The following DACH1 variants were observed in gnomAD, a reference collection of about 807,000 sequenced individuals.
The protein encoded by DACH1 is dachshund family transcription factor 1.
DACH1 carries 12 observed loss-of-function variants against 54.2 expected under a neutral mutation model. The ratio of observed to expected loss-of-function variants is 0.22; its 90% CI spans 0.14 to 0.36. The LOEUF (loss-of-function observed/expected upper bound fraction) is 0.36. Ranked by LOEUF, DACH1 falls within the 10% of genes least tolerant of loss-of-function variation. The probability of loss-of-function intolerance (pLI) is 1.00; values close to 1 mark genes in which losing one functional copy is unlikely to be tolerated. For synonymous variants in DACH1, 386 were observed against 366.2 expected (o/e 1.05, Z -0.62); for missense variants, 805 against 929.8 (o/e 0.87, Z 1.75).
intron 1 of DACH1, among the ~76,000 whole-genome samples, chr13:71,719,337 AG>A (rs1869957203): frequency 6.6e-6 from 1 of 152,172 alleles, no homozygotes; most frequent in Non-Finnish European, 1.5e-5. Flanking sequence ...TTTCTGCTCA[AG>A]GAACAACATA....
chr13:71,481,122 C>T (rs1877996041), intron 7 of DACH1, among the ~76,000 whole-genome samples: 1 of 152,196 alleles, frequency 6.6e-6, no homozygotes, highest in South Asian at 2.1e-4. Flanking sequence ...AAAACTTTAG[C>T]TGTATTTTAA....
chr13:71,707,392 T>C (rs889606712), intron 1 of DACH1, among the ~76,000 whole-genome samples: 3 of 152,192 alleles, frequency 2.0e-5, no homozygotes, highest in Non-Finnish European at 4.4e-5. Flanking sequence ...TATTTTGCAC[T>C]GGGCTTGTCC....
intron 1 of DACH1, among the ~76,000 whole-genome samples, chr13:71,852,491 C>T (rs1274532953): frequency 6.6e-6 from 1 of 151,884 alleles, no homozygotes; most frequent in Non-Finnish European, 1.5e-5. Context: ...TTAGAAAATA[C>T]TGTCCTGGTA....
At chr13:71,752,881 A>G (rs776345340) in intron 1 of DACH1, among the ~76,000 whole-genome samples, 3 of 152,294 alleles carry the variant, frequency 2.0e-5, no homozygotes, top group Admixed American at 1.3e-4. Context: ...CCACCGTCAG[A>G]TAAAAGCATA....
At chr13:71,509,781 C>T (rs1460763616) in intron 6 of DACH1, among the ~76,000 whole-genome samples, 1 of 152,066 alleles carries the variant, frequency 6.6e-6, no homozygotes, top group Non-Finnish European at 1.5e-5. Flanking sequence ...TATAGCCAGG[C>T]TATATTATAT....
intron 6 of DACH1, among the ~76,000 whole-genome samples, chr13:71,528,593 A>AATG (rs1181226588): frequency 6.6e-6 from 1 of 151,696 alleles, no homozygotes; most frequent in African/African-American, 2.4e-5. Flanking sequence ...ACGCCCGGCT[A>AATG]ATGTTTCTTT....
chr13:71,798,926 G>A (rs568284488), intron 1 of DACH1, among the ~76,000 whole-genome samples: 1 of 152,064 alleles, frequency 6.6e-6, no homozygotes, highest in African/African-American at 2.4e-5. Context: ...CAGGCCTCTG[G>A]AGCCCAATAG....
intron 1 of DACH1, among the ~76,000 whole-genome samples, chr13:71,840,814 C>A (rs1872789459): frequency 6.6e-6 from 1 of 152,128 alleles, no homozygotes; most frequent in Admixed American, 6.5e-5. Flanking sequence ...TTTTTATATT[C>A]ATGTCTTTAA....
chr13:71,614,451 GA>G (rs908408174), intron 3 of DACH1, among the ~76,000 whole-genome samples: 2 of 151,650 alleles, frequency 1.3e-5, no homozygotes, highest in African/African-American at 4.8e-5. Flanking sequence ...GCACATGGAG[GA>G]AAAAAAACCC....
intron 1 of DACH1, among the ~76,000 whole-genome samples, chr13:71,854,465 A>G (rs1594305120): frequency 6.6e-6 from 1 of 152,108 alleles, no homozygotes; most frequent in East Asian, 1.9e-4. Flanking sequence ...AGGATTGCCT[A>G]CAAAATAAAA....
At chr13:71,450,790 G>T (rs1223057599) in intron 10 of DACH1, among the ~76,000 whole-genome samples, 1 of 152,074 alleles carries the variant, frequency 6.6e-6, no homozygotes, top group Non-Finnish European at 1.5e-5. Flanking sequence ...AAGTTTGAGG[G>T]TTCTGAATAA....
intron 2 of DACH1, among the ~76,000 whole-genome samples, chr13:71,677,707 G>T (rs75301786): frequency 0.035 from 5,387 of 152,044 alleles, 213 homozygotes; most frequent in African/African-American, 0.094. Context: ...AATAGGTGTT[G>T]TTTGTTTGGT....
intron 6 of DACH1, among the ~76,000 whole-genome samples, chr13:71,533,540 G>T (rs1882555386): frequency 6.6e-6 from 1 of 151,894 alleles, no homozygotes; most frequent in Admixed American, 6.6e-5. Context: ...ATTCTAATAT[G>T]CCATTCAAAA....
At chr13:71,625,749 A>C (rs549817121) in intron 3 of DACH1, among the ~76,000 whole-genome samples, 1 of 152,140 alleles carries the variant, frequency 6.6e-6, no homozygotes, top group African/African-American at 2.4e-5. Flanking sequence ...TCAGGGCATT[A>C]GTGTACCCTT....
intron 1 of DACH1, among the ~76,000 whole-genome samples, chr13:71,718,227 T>C (rs1883071361): frequency 6.6e-6 from 1 of 152,106 alleles, no homozygotes; most frequent in Admixed American, 6.5e-5. Context: ...CTTTCACTTA[T>C]GAACTCAGTA....
At chr13:71,774,818 G>A (rs1255892339) in intron 1 of DACH1, among the ~76,000 whole-genome samples, 1 of 152,032 alleles carries the variant, frequency 6.6e-6, no homozygotes, top group Non-Finnish European at 1.5e-5. Context: ...GGTAGACAGG[G>A]ACAAAATAGG....
At chr13:71,624,499 C>G (rs1246591706) in intron 3 of DACH1, among the ~76,000 whole-genome samples, 1 of 151,862 alleles carries the variant, frequency 6.6e-6, no homozygotes, top group Non-Finnish European at 1.5e-5. Flanking sequence ...TGTATATGCT[C>G]CACGTTTACA....
chr13:71,481,894 A>T (rs764930497), intron 7 of DACH1, among the ~76,000 whole-genome samples: 3 of 152,182 alleles, frequency 2.0e-5, no homozygotes, highest in Non-Finnish European at 4.4e-5. Context: ...TTCCAGGTTG[A>T]TCACGTGCAA....
intron 6 of DACH1, among the ~76,000 whole-genome samples, chr13:71,534,276 AATACATAAATCGAAGG>A (rs1284926755): frequency 2.0e-5 from 3 of 152,070 alleles, no homozygotes; most frequent in Middle Eastern, 3.2e-3. Context: ...CTAAACATGA[AATACATAAATCGAAGG>A]AAAAATTCAA....
Sources: allele counts gnomAD v4.1 joint callset (sites outside exome capture counted in the v4.1 genomes callset), GRCh38; gene constraint gnomAD v4.1.1; transcripts MANE v1.5; gene names NCBI Gene and HGNC (gene_info 2026-07-23, HGNC 2026-07-21).